The following GLIS3 variants were observed in gnomAD, a reference collection of about 807,000 sequenced individuals.
GLIS3 encodes zinc finger protein GLIS3.
GLIS3 carries 53 observed loss-of-function variants against 78.6 expected under a neutral mutation model. The observed-to-expected ratio is 0.67, with a 90% CI of 0.54 to 0.85. GLIS3 has a LOEUF of 0.85. Ranked by LOEUF, GLIS3 falls within the 40% of genes least tolerant of loss-of-function variation. The pLI is 0.00. For synonymous variants in GLIS3, 684 were observed against 509.9 expected (o/e 1.34, Z -4.60); for missense variants, 1,703 against 1,231.1 (o/e 1.38, Z -5.74).
intron 2 of GLIS3, among the ~76,000 whole-genome samples, chr9:4,243,438 T>C (rs1224108473): frequency 6.6e-6 from 1 of 152,010 alleles, no homozygotes; most frequent in Non-Finnish European, 1.5e-5. Flanking sequence ...CTAACACAGG[T>C]ATACACATTT....
chr9:4,245,052 CAA>C (rs1277469024), intron 2 of GLIS3, among the ~76,000 whole-genome samples: 1 of 152,278 alleles, frequency 6.6e-6, no homozygotes, highest in Admixed American at 6.5e-5. Context: ...GGTTCTACAT[CAA>C]AAGACTGGTA....
At chr9:4,310,856 G>C (rs778713680) in intron 2 of GLIS3, among the ~76,000 whole-genome samples, 2 of 152,176 alleles carry the variant, frequency 1.3e-5, no homozygotes, top group African/African-American at 2.4e-5. Flanking sequence ...TGGTGATGTT[G>C]ATGTTTTACA....
chr9:4,336,478 A>G (rs1438513454), intron 2 of GLIS3, among the ~76,000 whole-genome samples: 1 of 147,954 alleles, frequency 6.8e-6, no homozygotes, highest in Non-Finnish European at 1.5e-5. Context: ...CCAGACCCTG[A>G]GGGCACTGAT....
intron 4 of GLIS3, among the ~76,000 whole-genome samples, chr9:4,012,518 T>C (rs151175722): frequency 6.6e-6 from 1 of 152,306 alleles, no homozygotes; most frequent in East Asian, 1.9e-4. Flanking sequence ...ACTGGGCACA[T>C]AAACTTTTCC....
At chr9:4,339,851 TAGGGGAGGGGTGGGGGAGGGGA>T (rs1817809472) in intron 2 of GLIS3, among the ~76,000 whole-genome samples, 1 of 734 alleles carries the variant, frequency 1.4e-3, no homozygotes, top group African/African-American at 4.6e-3. Flanking sequence ...GGGGAGGGGG[TAGGGGAGGGGTGGGGGAGGGGA>T]GGGGGAGGGA....
chr9:4,321,467 G>C (rs1179994747), intron 2 of GLIS3, among the ~76,000 whole-genome samples: 2 of 81,328 alleles, frequency 2.5e-5, no homozygotes, highest in Non-Finnish European at 5.9e-5. Flanking sequence ...AAAAAAATCA[G>C]GTGCCTAGAA....
the GLIS3 span, among the ~76,000 whole-genome samples, chr9:4,362,468 C>T: frequency 3.1e-4 from 47 of 152,312 alleles, no homozygotes; most frequent in African/African-American, 9.9e-4. Flanking sequence ...GATGACCACA[C>T]GCTTTCCATC....
intron 4 of GLIS3, among the ~76,000 whole-genome samples, chr9:3,985,374 C>T (rs990413387): frequency 6.6e-6 from 1 of 152,208 alleles, no homozygotes; most frequent in Non-Finnish European, 1.5e-5. Flanking sequence ...TCTCAAACTC[C>T]TGAGCTCAGG....
At chr9:4,073,855 G>A (rs954607783) in intron 4 of GLIS3, among the ~76,000 whole-genome samples, 3 of 152,114 alleles carry the variant, frequency 2.0e-5, no homozygotes, top group African/African-American at 7.2e-5. Context: ...GCAGCACCTG[G>A]CACATAGGAG....
the GLIS3 span, among the ~76,000 whole-genome samples, chr9:4,356,652 G>T: frequency 6.6e-6 from 1 of 152,200 alleles, no homozygotes; most frequent in South Asian, 2.1e-4. Flanking sequence ...GAGTGCATCA[G>T]ATTTTACAAA....
intron 2 of GLIS3, among the ~76,000 whole-genome samples, chr9:4,250,372 A>AT (rs1824248671): frequency 6.6e-6 from 1 of 152,024 alleles, no homozygotes; most frequent in African/African-American, 2.4e-5. Context: ...GAATTTATCC[A>AT]TTTCTTCTAG....
In GLIS3 at chr9:3,879,580, C is replaced by T. The variant is rs749627402; in HGVS notation, c.2144G>A (p.Ser715Asn). ...TGTTCCACTTCGGCTTGAATAATTG[C>T]TGGAGAAAATGGGAGCTGAAATCAA... ...PDLYSAPIFS[S>N]NYSSRSGTAA... The change falls in exon 8 of 11, where the codon AGC (serine) becomes AAC (asparagine). Residue 715 changes from serine (S) to asparagine (N), a missense_variant. Coordinates refer to ENST00000381971, the MANE Select transcript of GLIS3 (RefSeq NM_001042413.2). 1 of 1,613,994 alleles carries T rather than the reference C, an allele frequency of 6.2e-7. No individual in the cohort carries two copies. The highest frequency in any genetic ancestry group is 1.1e-5 in the South Asian group (1 of 91,068).
At chr9:4,161,481 A>G (rs1189633307) in intron 2 of GLIS3, among the ~76,000 whole-genome samples, 1 of 152,114 alleles carries the variant, frequency 6.6e-6, no homozygotes, top group Admixed American at 6.5e-5. Context: ...TCGTGGATGC[A>G]TTGGACTTTC....
chr9:4,158,181 A>T (rs1835180334), intron 2 of GLIS3, among the ~76,000 whole-genome samples: 6 of 152,146 alleles, frequency 3.9e-5, no homozygotes, highest in African/African-American at 1.4e-4. Flanking sequence ...TTCTGTCGAG[A>T]ATTCCTTCTT....
chr9:4,419,553 G>A, the GLIS3 span, among the ~76,000 whole-genome samples: 1 of 152,136 alleles, frequency 6.6e-6, no homozygotes, highest in Admixed American at 6.6e-5. Flanking sequence ...ATTTGAGGAG[G>A]CCGAGGCGGG....
chr9:4,198,938 C>G (rs1819113526), intron 2 of GLIS3, among the ~76,000 whole-genome samples: 1 of 152,274 alleles, frequency 6.6e-6, no homozygotes, highest in African/African-American at 2.4e-5. Context: ...AAATTCCAGC[C>G]AAGAATTTCA....
At chr9:4,351,633 G>C (rs1817973347), upstream of GLIS3, among the ~76,000 whole-genome samples, 1 of 152,116 alleles carries the variant, frequency 6.6e-6, no homozygotes, top group Non-Finnish European at 1.5e-5. Context: ...ATGTAGTTCG[G>C]TAATGATGAA....
chr9:4,268,160 G>C (rs1307697990), intron 2 of GLIS3, among the ~76,000 whole-genome samples: 2 of 152,082 alleles, frequency 1.3e-5, no homozygotes, highest in African/African-American at 4.8e-5. Context: ...GCCACTTACA[G>C]GCTGTATGAC....
intron 4 of GLIS3, among the ~76,000 whole-genome samples, chr9:4,076,314 A>G (rs950458174): frequency 2.6e-5 from 4 of 152,270 alleles, no homozygotes; most frequent in Admixed American, 6.6e-5. Flanking sequence ...AAAGAATGCC[A>G]TCTTAGGTTG....
Sources: allele counts gnomAD v4.1 joint callset (sites outside exome capture counted in the v4.1 genomes callset), GRCh38; gene constraint gnomAD v4.1.1; transcripts MANE v1.5; gene names NCBI Gene and HGNC (gene_info 2026-07-23, HGNC 2026-07-21).